The following SLCO1A2 variants were observed in gnomAD, a reference collection of about 807,000 sequenced individuals.
The protein encoded by SLCO1A2 is OATP-1.
A neutral mutation model predicts 69.0 loss-of-function variants in SLCO1A2; 67 were observed. That is an observed-to-expected ratio of 0.97 (90% CI 0.80 to 1.19). The LOEUF (loss-of-function observed/expected upper bound fraction) is 1.19. SLCO1A2 is among the 50% of genes most tolerant of loss of function. The probability of loss-of-function intolerance (pLI) is 0.00; values close to 1 mark genes in which losing one functional copy is unlikely to be tolerated. For synonymous variants in SLCO1A2, 260 were observed against 265.9 expected (o/e 0.98, Z 0.22); for missense variants, 787 against 793.7 (o/e 0.99, Z 0.10).
intron 2 of SLCO1A2, among the ~76,000 whole-genome samples, chr12:21,354,441 T>C (rs1225612187): frequency 6.6e-6 from 1 of 152,196 alleles, no homozygotes; most frequent in Non-Finnish European, 1.5e-5. Flanking sequence ...AAGATAGTTG[T>C]CAGAGGAAAT....
chr12:21,396,780 T>C (rs1245909730), upstream of SLCO1A2, among the ~76,000 whole-genome samples: 2 of 152,008 alleles, frequency 1.3e-5, no homozygotes, highest in South Asian at 4.2e-4. Context: ...CTAAGCTTCA[T>C]AAGTGAAGGA....
intron 2 of SLCO1A2, chr12:21,324,674 A>G (rs1952073102): frequency 6.6e-6 from 1 of 152,230 alleles, no homozygotes; most frequent in Non-Finnish European, 1.5e-5. Context: ...TCTAAAGAAT[A>G]AATAATTTAA....
rs960814962 is a variant in SLCO1A2, at chr12:21,391,398, A to AAT, written c.-190+3506_-190+3507dup. ...AAGTTGTCTGTTAGTTAAATGGCAA[A>AAT]ATATATATATAAGCTGAAAAACTAG... On this transcript the variant is annotated intron_variant, in intron 1 of 15. Coordinates refer to the SLCO1A2 transcript ENST00000307378. 5.9e-5 allele frequency among the ~76,000 whole-genome samples: 9 copies of AAT among 152,196 alleles called. No homozygotes were observed. The South Asian group carries it at 1.0e-3, about 18-fold the overall frequency.
chr12:21,405,097 T>G lies in SLCO1A2; in HGVS notation c.-312+12785A>C, dbSNP rs555271118. The stretch of plus-strand genomic sequence containing the variant: ...TAATGGCTTTTTTTTTTTTGTAAAT[T>G]TAAGTTCCTTGTAGAGTCTGGATAT... On this transcript the variant is annotated intron_variant, in intron 1 of 4. Transcript: ENST00000413682. 5.9e-5 allele frequency among the ~76,000 whole-genome samples: 9 copies of G among 151,938 alleles called. No individual in the cohort carries two copies. In the South Asian group the frequency reaches 1.9e-3, roughly 32 times the overall value.
At chr12:21,353,630 G>T (rs1424448854) in intron 2 of SLCO1A2, among the ~76,000 whole-genome samples, 2 of 152,072 alleles carry the variant, frequency 1.3e-5, no homozygotes, top group Non-Finnish European at 2.9e-5. Flanking sequence ...GGACAACTTG[G>T]TTTTTTTCCC....
At chr12:21,303,996 A>G (rs1159145717) in intron 6 of SLCO1A2, among the ~76,000 whole-genome samples, 1 of 152,222 alleles carries the variant, frequency 6.6e-6, no homozygotes, top group Non-Finnish European at 1.5e-5. Context: ...TTTCTTAAAA[A>G]CTGAGAAAAT....
At chr12:21,287,755 G>A (rs1374336627) in intron 12 of SLCO1A2, among the ~76,000 whole-genome samples, 3 of 113,026 alleles carry the variant, frequency 2.7e-5, no homozygotes, top group Admixed American at 9.4e-5. Context: ...GTAAACTATC[G>A]CAAGAACAAA....
chr12:21,395,764 C>T (rs1941427171), upstream of SLCO1A2, among the ~76,000 whole-genome samples: 1 of 152,200 alleles, frequency 6.6e-6, no homozygotes, highest in African/African-American at 2.4e-5. Context: ...CAGGGGCACA[C>T]TGACACCTCA....
intron 12 of SLCO1A2, among the ~76,000 whole-genome samples, chr12:21,288,737 T>C (rs1946363490): frequency 6.6e-6 from 1 of 152,032 alleles, no homozygotes; most frequent in Non-Finnish European, 1.5e-5. Flanking sequence ...AATATGGTTA[T>C]TACACACTGC....
At chr12:21,388,521 C>T (rs1417673364) in intron 1 of SLCO1A2, among the ~76,000 whole-genome samples, 1 of 152,074 alleles carries the variant, frequency 6.6e-6, no homozygotes, top group Non-Finnish European at 1.5e-5. Flanking sequence ...ATGTCCTTTG[C>T]TCCTCCTTCT....
chr12:21,387,307 A>G (rs1278076070), intron 1 of SLCO1A2, among the ~76,000 whole-genome samples: 1 of 152,184 alleles, frequency 6.6e-6, no homozygotes, highest in Non-Finnish European at 1.5e-5. Flanking sequence ...GATGATGGAG[A>G]AAATGTCTCC....
At chr12:21,294,836 T>C (rs1207306709) in intron 10 of SLCO1A2, 5 of 152,232 alleles carry the variant, frequency 3.3e-5, no homozygotes, top group Non-Finnish European at 5.9e-5. Context: ...ATAATGCTTA[T>C]CTTAGATGAA....
chr12:21,328,548 G>A lies in SLCO1A2; in HGVS notation c.60+6040C>T, dbSNP rs148004315. Among the ~76,000 whole-genome samples, 139 of 152,208 alleles carry A rather than the reference G, an allele frequency of 9.1e-4. 1 individual carries two copies. The highest frequency in any genetic ancestry group is 2.9e-3 in the East Asian group (15 of 5,166). ...CTAGGCAGTTATGGATTCTCCTGGC[G>A]TGAGCAGGTAGAGGTGGTGGGATTG... On this transcript the variant is annotated intron_variant, in intron 2 of 14. Transcript: ENST00000683939.
chr12:21,396,221 G>A (rs1321755862), upstream of SLCO1A2, among the ~76,000 whole-genome samples: 1 of 150,650 alleles, frequency 6.6e-6, no homozygotes, highest in African/African-American at 2.4e-5. Context: ...ACTACGTGAA[G>A]AATGCAGAAG....
At chr12:21,279,329 G>A (rs1040828077) in intron 12 of SLCO1A2, among the ~76,000 whole-genome samples, 20 of 152,154 alleles carry the variant, frequency 1.3e-4, no homozygotes, top group African/African-American at 4.8e-4. Flanking sequence ...CCCAAACCTA[G>A]AGAAAGGTAT....
chr12:21,397,519 G>C (rs11502682), upstream of SLCO1A2, among the ~76,000 whole-genome samples: 15 of 151,862 alleles, frequency 9.9e-5, no homozygotes, highest in Non-Finnish European at 1.9e-4. Context: ...TGCACCAAGC[G>C]GACCTAATAG....
intron 2 of SLCO1A2, among the ~76,000 whole-genome samples, chr12:21,359,398 A>T (rs1478017978): frequency 2.0e-5 from 3 of 152,130 alleles, no homozygotes; most frequent in African/African-American, 7.2e-5. Flanking sequence ...GTAAAACATT[A>T]GTGAAAAAAA....
At chr12:21,315,445 A>C (rs1300724075) in intron 3 of SLCO1A2, among the ~76,000 whole-genome samples, 1 of 152,350 alleles carries the variant, frequency 6.6e-6, no homozygotes, top group Middle Eastern at 3.4e-3. Context: ...ATATACGAAT[A>C]AGTTTTTTGC....
At chr12:21,275,331 A>G in intron 13 of SLCO1A2, 29 bp downstream of exon 13, 12 of 1,518,836 alleles carry the variant, frequency 7.9e-6, no homozygotes, top group Non-Finnish European at 1.1e-5. Context: ...TTGTTCTGAT[A>G]GGATGTGGGA....
Sources: gnomAD v4.1 joint callset for allele counts (sites outside exome capture counted in the v4.1 genomes callset) on GRCh38, gnomAD v4.1.1 for gene constraint, MANE v1.5 for transcripts, NCBI Gene and HGNC (gene_info 2026-07-23, HGNC 2026-07-21) for gene names.